The following UNC13C variants were observed in gnomAD, a reference collection of about 807,000 sequenced individuals.
The protein encoded by UNC13C is protein unc-13 homolog C.
A neutral mutation model predicts 245.4 loss-of-function variants in UNC13C; 174 were observed. The observed-to-expected ratio is 0.71, with a 90% CI of 0.63 to 0.80. The LOEUF (loss-of-function observed/expected upper bound fraction) is 0.80, where lower values mean the gene tolerates loss of function less well. Among genes scored for constraint, UNC13C ranks in the 30% least tolerant of loss-of-function variants. The pLI, the probability that UNC13C is intolerant of heterozygous loss-of-function variation, is 0.00. For missense variants in UNC13C, 2,829 were observed against 2,602.9 expected (o/e 1.09, Z -1.89); for synonymous variants, 992 against 895.1 (o/e 1.11, Z -1.93).
In UNC13C at chr15:54,385,050, C is replaced by T. The variant is rs1026614018; in HGVS notation, c.4714-7998C>T. On this transcript the variant is annotated intron_variant, in intron 17 of 32. Coordinates refer to ENST00000260323, the MANE Select transcript of UNC13C (RefSeq NM_001080534.3). ...GGACGTGAGGAAAAGGGAACTATTA[C>T]ACACTGTTGGTGAGAGTATAAATTA... Among the ~76,000 whole-genome samples, 3 of 152,224 alleles carry T rather than the reference C, an allele frequency of 2.0e-5. No individual in the cohort carries two copies. The East Asian group carries it at 5.8e-4, about 29-fold the overall frequency.
intron 19 of UNC13C, among the ~76,000 whole-genome samples, chr15:54,417,353 C>A (rs904984824): frequency 1.3e-5 from 2 of 152,096 alleles, no homozygotes; most frequent in Admixed American, 6.6e-5. Context: ...GAGCTCAACA[C>A]CTTTGTGTTT....
In UNC13C at chr15:54,567,824, G is replaced by A; in HGVS notation, c.5983G>A (p.Gly1995Ser). The change falls in exon 30 of 33, where the codon GGC (glycine) becomes AGC (serine). Residue 1995 changes from glycine (G) to serine (S), a missense_variant. Transcript: ENST00000260323. ...IKQYFHAGGN[G>S]LKKNFLEKSP... ...GCAATACTTTCATGCAGGAGGAAAT[G>A]GCCTGAAAAAGAATTTCTTGGAGAA... 1 of 1,603,270 alleles carries A rather than the reference G, an allele frequency of 6.2e-7. No homozygotes were observed. The highest frequency in any genetic ancestry group is 8.5e-7 in the Non-Finnish European group (1 of 1,174,250).
chr15:53,890,184 C>T, the UNC13C span, among the ~76,000 whole-genome samples: 1 of 151,724 alleles, frequency 6.6e-6, no homozygotes, highest in Non-Finnish European at 1.5e-5. Flanking sequence ...CTGCGTCACC[C>T]AGGCTTGAGT....
At chr15:53,909,643 G>T in the UNC13C span, among the ~76,000 whole-genome samples, 2 of 146,688 alleles carry the variant, frequency 1.4e-5, no homozygotes, top group Admixed American at 1.4e-4. Context: ...CTACTCGGGA[G>T]GCTGAGGCAG....
rs564339434 is a variant in UNC13C, at chr15:53,984,387, G to A, written c.-257+5460G>A. ...ACTAATGCATCATACACTGTCTTATGAGATTTCTTCTTTGGTCTTGGATTA... is the reference window on the plus strand; with the variant it reads ...ACTAATGCATCATACACTGTCTTATAAGATTTCTTCTTTGGTCTTGGATTA... On this transcript the variant is annotated intron_variant, in intron 1 of 32. Coordinates refer to ENST00000260323, the MANE Select transcript of UNC13C (RefSeq NM_001080534.3). Among the ~76,000 whole-genome samples, 4 of 152,142 alleles carry A rather than the reference G, an allele frequency of 2.6e-5. No homozygotes were observed. In the South Asian group the frequency reaches 8.3e-4, roughly 32 times the overall value.
chr15:54,136,658 T>G (rs942392331), intron 2 of UNC13C, among the ~76,000 whole-genome samples: 1 of 152,136 alleles, frequency 6.6e-6, no homozygotes, highest in Non-Finnish European at 1.5e-5. Context: ...CTTTTCACTG[T>G]CGAGTATGAT....
At chr15:54,487,286 T>C (rs774884042) in intron 19 of UNC13C, among the ~76,000 whole-genome samples, 5 of 152,200 alleles carry the variant, frequency 3.3e-5, no homozygotes, top group Admixed American at 6.5e-5. Context: ...AAAGCTTCCT[T>C]TGGCATGAGT....
chr15:54,330,346 G>A (rs1011516244), intron 14 of UNC13C, among the ~76,000 whole-genome samples: 3 of 152,010 alleles, frequency 2.0e-5, no homozygotes, highest in Non-Finnish European at 2.9e-5. Flanking sequence ...ATGGCATGTG[G>A]TCATCCTTGG....
chr15:54,122,066 A>G (rs897790754), intron 2 of UNC13C, among the ~76,000 whole-genome samples: 13 of 152,012 alleles, frequency 8.6e-5, no homozygotes, highest in African/African-American at 3.1e-4. Flanking sequence ...TAATGTAGCC[A>G]GTAATATTTG....
the UNC13C span, among the ~76,000 whole-genome samples, chr15:53,927,960 T>C: frequency 5.1e-3 from 770 of 152,270 alleles, 11 homozygotes; most frequent in Non-Finnish European, 6.3e-3. Flanking sequence ...CTAGTTGAAA[T>C]AGACATGTAA....
intron 2 of UNC13C, among the ~76,000 whole-genome samples, chr15:54,041,819 A>T (rs562248683): frequency 5.9e-5 from 9 of 152,358 alleles, no homozygotes; most frequent in African/African-American, 2.2e-4. Context: ...CTAATACCAT[A>T]TTGAGACATT....
chr15:53,925,733 C>A, the UNC13C span, among the ~76,000 whole-genome samples: 5 of 152,276 alleles, frequency 3.3e-5, no homozygotes, highest in South Asian at 1.0e-3. Flanking sequence ...AATGTAAACA[C>A]CAGACTATTA....
chr15:54,166,885 A>G (rs1175947988), intron 4 of UNC13C, among the ~76,000 whole-genome samples: 1 of 152,174 alleles, frequency 6.6e-6, no homozygotes, highest in East Asian at 1.9e-4. Context: ...AAGTTGCAAT[A>G]TTGATAAAAT....
intron 19 of UNC13C, among the ~76,000 whole-genome samples, chr15:54,467,931 T>C (rs186744075): frequency 5.9e-5 from 9 of 151,658 alleles, no homozygotes; most frequent in Admixed American, 3.9e-4. Flanking sequence ...TAGATGTAGA[T>C]ATCTATCTCT....
chr15:53,992,809 C>A (rs1423645014), intron 1 of UNC13C, among the ~76,000 whole-genome samples: 1 of 152,076 alleles, frequency 6.6e-6, no homozygotes, highest in Non-Finnish European at 1.5e-5. Flanking sequence ...AGTAATTAAT[C>A]ACTCTTCACT....
At chr15:54,448,220 C>A (rs147978458) in intron 19 of UNC13C, among the ~76,000 whole-genome samples, 1 of 151,932 alleles carries the variant, frequency 6.6e-6, no homozygotes, top group Non-Finnish European at 1.5e-5. Context: ...GGAATAAGTG[C>A]GGTGTGGTGC....
chr15:54,413,869 A>G (rs2040464887), intron 18 of UNC13C, among the ~76,000 whole-genome samples: 1 of 152,192 alleles, frequency 6.6e-6, no homozygotes, highest in Non-Finnish European at 1.5e-5. Context: ...GTTCTTTGAT[A>G]TAAATATTTT....
the UNC13C span, among the ~76,000 whole-genome samples, chr15:53,839,211 C>G: frequency 4.6e-5 from 7 of 151,810 alleles, no homozygotes; most frequent in African/African-American, 1.7e-4. Context: ...TTTTACTGTT[C>G]TTCCCATCCC....
At position 54,525,603 on chromosome 15, in the gene UNC13C, G is replaced by A. The variant is rs766197795; in HGVS notation, c.5512G>A (p.Val1838Ile). 1.2e-6 allele frequency: 2 copies of A among 1,613,068 alleles called. No homozygotes were observed. Among genetic ancestry groups the A allele is most frequent in the Admixed American group, 1.7e-5 (1 of 59,926 alleles). The change falls in exon 25 of 33, where the codon GTC (valine) becomes ATC (isoleucine). Residue 1838 changes from valine to isoleucine, a missense_variant. By Grantham distance (29) the Val-to-Ile change is conservative (BLOSUM62 3). Transcript: ENST00000260323. The stretch of plus-strand genomic sequence containing the variant: ...AGAACTTCAGGTTAAGCTCAGTGGG[G>A]TCCTGGATGAGCTCAGCGTCACTTA... ...LKELQVKLSG[V>I]LDELSVTYGE... is the part of the protein sequence containing the mutation.
Sources: allele counts gnomAD v4.1 joint callset (sites outside exome capture counted in the v4.1 genomes callset), GRCh38; gene constraint gnomAD v4.1.1; transcripts MANE v1.5; gene names NCBI Gene and HGNC (gene_info 2026-07-23, HGNC 2026-07-21).